The following ULK4 variants were observed in gnomAD, a reference collection of about 807,000 sequenced individuals.
The protein encoded by ULK4 is inactive serine/threonine-protein kinase ULK4.
A neutral mutation model predicts 160.6 loss-of-function variants in ULK4; 133 were observed. The ratio of observed to expected loss-of-function variants is 0.83; its 90% confidence interval spans 0.72 to 0.96. ULK4 has a LOEUF of 0.96. Ranked by LOEUF, ULK4 falls within the 40% of genes least tolerant of loss-of-function variation. The pLI is 0.00. For synonymous variants in ULK4, 534 were observed against 539.8 expected (o/e 0.99, Z 0.15); for missense variants, 1,580 against 1,499.5 (o/e 1.05, Z -0.89).
intron 35 of ULK4, among the ~76,000 whole-genome samples, chr3:41,358,676 G>A (rs1420985189): frequency 6.6e-6 from 1 of 152,180 alleles, no homozygotes; most frequent in Non-Finnish European, 1.5e-5. Context: ...GAGTGAGCAG[G>A]AAGAAAAGTG....
intron 5 of ULK4, among the ~76,000 whole-genome samples, chr3:41,920,583 GC>G (rs1699148639): frequency 6.6e-6 from 1 of 152,112 alleles, no homozygotes; most frequent in South Asian, 2.1e-4. Context: ...CAGAGCACCT[GC>G]CAAGACCCAG....
intron 1 of ULK4, among the ~76,000 whole-genome samples, chr3:41,955,192 A>C (rs912801122): frequency 6.6e-6 from 1 of 152,214 alleles, no homozygotes; most frequent in African/African-American, 2.4e-5. Context: ...CGGGAGGCTG[A>C]GGCAGGGGAA....
At chr3:41,559,277 T>G (rs2087460339) in intron 32 of ULK4, among the ~76,000 whole-genome samples, 1 of 116,722 alleles carries the variant, frequency 8.6e-6, no homozygotes. Context: ...AGTCTATCAT[T>G]GTTGGACATT....
intron 34 of ULK4, among the ~76,000 whole-genome samples, chr3:41,418,983 T>A (rs2082595643): frequency 1.3e-5 from 2 of 151,934 alleles, no homozygotes. Context: ...AGGGAAGGAG[T>A]CATGTGAATG....
chr3:41,489,960 C>T (rs2084688954), intron 32 of ULK4, among the ~76,000 whole-genome samples: 2 of 152,182 alleles, frequency 1.3e-5, no homozygotes, highest in East Asian at 3.9e-4. Flanking sequence ...AAACTGACAT[C>T]TTCAGCAACA....
chr3:41,345,071 G>A (rs1306866834), intron 35 of ULK4, among the ~76,000 whole-genome samples: 1 of 151,946 alleles, frequency 6.6e-6, no homozygotes, highest in Non-Finnish European at 1.5e-5. Context: ...TCAAAACCAC[G>A]AGATACCGTC....
intron 17 of ULK4, among the ~76,000 whole-genome samples, chr3:41,855,802 G>A (rs1419526056): frequency 6.6e-6 from 1 of 151,988 alleles, no homozygotes; most frequent in Non-Finnish European, 1.5e-5. Context: ...CTTTCATCTA[G>A]TAGAAAATTA....
At chr3:41,732,463 A>C (rs2037865902) in intron 22 of ULK4, among the ~76,000 whole-genome samples, 1 of 152,108 alleles carries the variant, frequency 6.6e-6, no homozygotes, top group Non-Finnish European at 1.5e-5. Context: ...AATAATAATA[A>C]TAATGACAAA....
chr3:41,329,955 A>C (rs1164267923), intron 35 of ULK4, among the ~76,000 whole-genome samples: 1 of 152,256 alleles, frequency 6.6e-6, no homozygotes, highest in Non-Finnish European at 1.5e-5. Flanking sequence ...AACTTGTACT[A>C]ACAGGAAGAT....
At chr3:41,384,065 G>A (rs113636119) in intron 35 of ULK4, among the ~76,000 whole-genome samples, 38 of 152,274 alleles carry the variant, frequency 2.5e-4, no homozygotes, top group Middle Eastern at 3.4e-3. Flanking sequence ...CTTAGTGATT[G>A]CAAGGGTAAC....
chr3:41,413,299 T>C lies in ULK4; in HGVS notation c.3493-15035A>G, dbSNP rs553526501. On this transcript the variant is annotated intron_variant, in intron 34 of 36. Transcript: ENST00000301831. ...GCTAAAATTCAAGATGAGATTTGGG[T>C]GGGGACACAGCCAAGCCATATCAGG... 1.2e-4 allele frequency among the ~76,000 whole-genome samples: 19 copies of C among 152,154 alleles called. No homozygotes were observed. In the East Asian group the frequency reaches 3.1e-3, roughly 25 times the overall value.
intron 22 of ULK4, among the ~76,000 whole-genome samples, chr3:41,745,059 A>C (rs981569637): frequency 6.6e-6 from 1 of 151,642 alleles, no homozygotes; most frequent in African/African-American, 2.4e-5. Flanking sequence ...ATGCTACAAA[A>C]GCATCTGAGA....
intron 35 of ULK4, among the ~76,000 whole-genome samples, chr3:41,335,691 C>T (rs138935915): frequency 4.2e-4 from 63 of 151,356 alleles, no homozygotes; most frequent in African/African-American, 1.3e-3. Flanking sequence ...GTGTCCTAGA[C>T]GCATAAAAAA....
At chr3:41,470,626 G>C (rs1401314769) in intron 32 of ULK4, among the ~76,000 whole-genome samples, 2 of 151,850 alleles carry the variant, frequency 1.3e-5, no homozygotes, top group African/African-American at 4.8e-5. Flanking sequence ...AGGGTTCCAA[G>C]GAAAAAACTA....
intron 25 of ULK4, 57 bp from the exon 26 acceptor site, chr3:41,705,362 A>G: frequency 2.1e-6 from 3 of 1,400,224 alleles, no homozygotes; most frequent in East Asian, 5.0e-5. Context: ...GAAATAAAAT[A>G]TAGGTAGTTT....
rs36097613 is a variant in ULK4 at position 41,424,831 on chromosome 3, C to CAAAAAAAAAAAAAAAAAAA, written c.3493-26586_3493-26568dup. Reference sequence around the variant, plus strand: ...TAATCTCACAAAGATAAGAAATCATCAAAAAAAAAAAAAAAAAAAAAAAGG... The same window carrying CAAAAAAAAAAAAAAAAAAA: ...TAATCTCACAAAGATAAGAAATCATCAAAAAAAAAAAAAAAAAAAAAAAAAAAAAAAAAAAAAAAAAAGG... On this transcript the variant is annotated intron_variant, in intron 34 of 36. Coordinates refer to ENST00000301831, the MANE Select transcript of ULK4 (RefSeq NM_017886.4). Among the ~76,000 whole-genome samples, 67 of 62,330 alleles carry CAAAAAAAAAAAAAAAAAAA rather than the reference C, an allele frequency of 1.1e-3. 1 individual carries two copies. The highest frequency in any genetic ancestry group is 1.2e-3 in the East Asian group (2 of 1,712). The allele number at this position is 62,330 out of a possible 152,430, so 40.9% of individuals were successfully genotyped here. A position where few individuals can be genotyped will look rare whatever the true frequency, so the allele number is the denominator to read the frequency against.
At chr3:41,514,719 C>T (rs1375395438) in intron 32 of ULK4, among the ~76,000 whole-genome samples, 1 of 151,764 alleles carries the variant, frequency 6.6e-6, no homozygotes, top group East Asian at 1.9e-4. Flanking sequence ...TAAGTGGGAG[C>T]CAGAAAATGT....
intron 31 of ULK4, among the ~76,000 whole-genome samples, chr3:41,604,353 G>A (rs2032265175): frequency 6.6e-6 from 1 of 152,016 alleles, no homozygotes; most frequent in Non-Finnish European, 1.5e-5. Flanking sequence ...ACTGATGTGA[G>A]TTTCTTATGT....
chr3:41,808,266 T>C (rs1019201756), intron 19 of ULK4, among the ~76,000 whole-genome samples: 5 of 152,180 alleles, frequency 3.3e-5, no homozygotes, highest in African/African-American at 1.2e-4. Flanking sequence ...AAATGAGCTA[T>C]TTATAGAAGC....
Sources: gnomAD v4.1 joint callset for allele counts (sites outside exome capture counted in the v4.1 genomes callset) on GRCh38, gnomAD v4.1.1 for gene constraint, MANE v1.5 for transcripts, NCBI Gene and HGNC (gene_info 2026-07-23, HGNC 2026-07-21) for gene names.